The following TENM3 variants were observed in gnomAD, a reference collection of about 807,000 sequenced individuals.
The protein encoded by TENM3 is teneurin transmembrane protein 3.
A neutral mutation model predicts 255.1 loss-of-function variants in TENM3; 63 were observed. That is an observed-to-expected ratio of 0.25 (90% CI 0.20 to 0.30). The LOEUF (loss-of-function observed/expected upper bound fraction) is 0.30, where lower values mean the gene tolerates loss of function less well. Ranked by LOEUF, TENM3 falls within the 10% of genes least tolerant of loss-of-function variation. The pLI, the probability that TENM3 is intolerant of heterozygous loss-of-function variation, is 1.00. For synonymous variants in TENM3, 1,306 were observed against 1,322.3 expected (o/e 0.99, Z 0.27); for missense variants, 2,929 against 3,461.1 (o/e 0.85, Z 3.86).
At position 182,585,797 on chromosome 4, in the gene TENM3, T is replaced by C. The variant is rs1254719346; in HGVS notation, c.512-15127T>C. Among the ~76,000 whole-genome samples, 3 of 152,368 alleles carry C rather than the reference T, an allele frequency of 2.0e-5. No homozygotes were observed. The South Asian group carries it at 6.2e-4, about 32-fold the overall frequency. ...TTTAACAAACTGGCACCAAACTATG[T>C]GTAGACTCATGAAATGAAAGCTCAT... On this transcript the variant is annotated intron_variant, in intron 3 of 27. Transcript: ENST00000511685.
the TENM3 span, among the ~76,000 whole-genome samples, chr4:181,504,837 T>G: frequency 6.6e-6 from 1 of 152,210 alleles, no homozygotes; most frequent in Non-Finnish European, 1.5e-5. Flanking sequence ...CGAAGTATAC[T>G]AAAGTATCAA....
chr4:181,808,842 T>A, the TENM3 span, among the ~76,000 whole-genome samples: 76 of 152,304 alleles, frequency 5.0e-4, no homozygotes, highest in East Asian at 0.014. Flanking sequence ...TTCTCAGGGC[T>A]AAAGGGCATT....
the TENM3 span, among the ~76,000 whole-genome samples, chr4:181,843,166 T>C: frequency 6.6e-6 from 1 of 152,360 alleles, no homozygotes; most frequent in Non-Finnish European, 1.5e-5. Flanking sequence ...TTCAAACTCA[T>C]CCTTACACTC....
intron 22 of TENM3, among the ~76,000 whole-genome samples, chr4:182,767,593 G>GGT (rs1561223327): frequency 2.6e-5 from 4 of 151,562 alleles, no homozygotes; most frequent in African/African-American, 7.3e-5. Context: ...TTTCTGGGTG[G>GGT]GTGTGTGTGT....
At chr4:181,789,242 A>G in the TENM3 span, among the ~76,000 whole-genome samples, 1 of 147,626 alleles carries the variant, frequency 6.8e-6, no homozygotes, top group Admixed American at 6.7e-5. Context: ...ATTTTATTTT[A>G]TTTTATTTTA....
chr4:182,587,601 G>A (rs1342856698), intron 3 of TENM3, among the ~76,000 whole-genome samples: 1 of 151,796 alleles, frequency 6.6e-6, no homozygotes, highest in African/African-American at 2.4e-5. Flanking sequence ...TTGTAGAGAT[G>A]GATTTTGTCA....
chr4:181,686,938 C>A, the TENM3 span, among the ~76,000 whole-genome samples: 2 of 152,118 alleles, frequency 1.3e-5, no homozygotes, highest in East Asian at 3.9e-4. Context: ...TTTATGTTTT[C>A]TTTGTACATT....
At chr4:182,766,479 T>G (rs998177107) in intron 22 of TENM3, among the ~76,000 whole-genome samples, 1 of 152,236 alleles carries the variant, frequency 6.6e-6, no homozygotes, top group African/African-American at 2.4e-5. Flanking sequence ...TGGAATGCCC[T>G]GACTTGGATG....
intron 1 of TENM3, among the ~76,000 whole-genome samples, chr4:182,274,968 G>A (rs1024211722): frequency 3.3e-5 from 5 of 152,132 alleles, no homozygotes; most frequent in Non-Finnish European, 5.9e-5. Flanking sequence ...CAGATTACAG[G>A]CACGCACCAC....
the TENM3 span, among the ~76,000 whole-genome samples, chr4:181,858,193 C>T: frequency 6.6e-6 from 1 of 152,228 alleles, no homozygotes; most frequent in South Asian, 2.1e-4. Flanking sequence ...CTCAACAGAT[C>T]TTCCCACCTC....
At chr4:182,302,256 T>C (rs899505229) in intron 1 of TENM3, among the ~76,000 whole-genome samples, 1 of 152,216 alleles carries the variant, frequency 6.6e-6, no homozygotes, top group African/African-American at 2.4e-5. Context: ...ATGTAAGTAC[T>C]CTTTCCACCA....
At chr4:181,707,938 G>A in the TENM3 span, among the ~76,000 whole-genome samples, 1 of 152,062 alleles carries the variant, frequency 6.6e-6, no homozygotes, top group South Asian at 2.1e-4. Flanking sequence ...TAGCAGAAGT[G>A]AACAAATACA....
intron 6 of TENM3, among the ~76,000 whole-genome samples, chr4:182,657,286 A>G (rs186529938): frequency 4.6e-4 from 70 of 152,220 alleles, no homozygotes; most frequent in African/African-American, 1.6e-3. Flanking sequence ...TCTCCCCACC[A>G]TACTTCTCAA....
chr4:181,641,601 GTGTGTA>G, the TENM3 span, among the ~76,000 whole-genome samples: 40 of 66,696 alleles, frequency 6.0e-4, no homozygotes, highest in Middle Eastern at 8.9e-3. Context: ...TATGGTGTGT[GTGTGTA>G]TATATATATA....
the TENM3 span, among the ~76,000 whole-genome samples, chr4:182,022,834 A>G: frequency 6.6e-6 from 1 of 152,234 alleles, no homozygotes; most frequent in Non-Finnish European, 1.5e-5. Context: ...ATTTTTAAGC[A>G]TACTTAAAAA....
At chr4:182,667,146 A>C (rs1754763891) in intron 6 of TENM3, among the ~76,000 whole-genome samples, 1 of 151,752 alleles carries the variant, frequency 6.6e-6, no homozygotes, top group African/African-American at 2.4e-5. Flanking sequence ...TGTCAGAGCC[A>C]GTACTCATTG....
intron 12 of TENM3, among the ~76,000 whole-genome samples, chr4:182,702,081 G>A (rs779295116): frequency 6.6e-6 from 1 of 152,174 alleles, no homozygotes; most frequent in Non-Finnish European, 1.5e-5. Context: ...TTTTAGAAAA[G>A]ATTAATTTAT....
intron 4 of TENM3, among the ~76,000 whole-genome samples, chr4:182,602,432 A>G (rs1236927580): frequency 6.6e-6 from 1 of 152,204 alleles, no homozygotes; most frequent in Non-Finnish European, 1.5e-5. Flanking sequence ...ATTTCTCACC[A>G]TTAGGTATAT....
intron 6 of TENM3, among the ~76,000 whole-genome samples, chr4:182,666,590 G>A (rs1754700985): frequency 6.6e-6 from 1 of 152,120 alleles, no homozygotes; most frequent in Non-Finnish European, 1.5e-5. Context: ...AATTAAGTTT[G>A]TACGTTGGTT....
Sources: gnomAD v4.1 joint callset for allele counts (sites outside exome capture counted in the v4.1 genomes callset) on GRCh38, gnomAD v4.1.1 for gene constraint, MANE v1.5 for transcripts, NCBI Gene and HGNC (gene_info 2026-07-23, HGNC 2026-07-21) for gene names.